The following NEBL variants were observed in gnomAD, a reference collection of about 807,000 sequenced individuals.
NEBL encodes the protein LIM and SH3 protein 2.
NEBL carries 122 observed loss-of-function variants against 140.2 expected under a neutral mutation model. The ratio of observed to expected loss-of-function variants is 0.87; its 90% confidence interval spans 0.75 to 1.01. The LOEUF (loss-of-function observed/expected upper bound fraction) is 1.01, where lower values mean the gene tolerates loss of function less well. Among genes scored for constraint, NEBL ranks in the 50% least tolerant of loss-of-function variants. The probability of loss-of-function intolerance (pLI) is 0.00; values close to 1 mark genes in which losing one functional copy is unlikely to be tolerated. For synonymous variants in NEBL, 436 were observed against 398.9 expected (o/e 1.09, Z -1.11); for missense variants, 1,365 against 1,231.3 (o/e 1.11, Z -1.62).
Position 21,168,844 on chromosome 10 carries a change from C to T in NEBL, c.164+3539G>A, listed in dbSNP as rs577000496. ...CGGGTGGATCACAAGGTCAGGAGAT[C>T]GAGACCATCCTAGCTAACATGGTGA... On this transcript the variant is annotated intron_variant, in intron 2 of 6. Transcript: ENST00000417816. Among the ~76,000 whole-genome samples, 271 of 150,622 alleles carry T rather than the reference C, an allele frequency of 1.8e-3. 2 individuals carry two copies. Among genetic ancestry groups the T allele is most frequent in the Admixed American group, 3.6e-3 (54 of 15,060 alleles).
chr10:20,864,427 A>C (rs898328105), intron 7 of NEBL, among the ~76,000 whole-genome samples: 2 of 152,184 alleles, frequency 1.3e-5, no homozygotes, highest in African/African-American at 4.8e-5. Context: ...AGAAGTTAAT[A>C]TAAGAAGGGT....
chr10:21,158,643 T>C (rs987159929), intron 2 of NEBL, among the ~76,000 whole-genome samples: 3 of 152,204 alleles, frequency 2.0e-5, no homozygotes, highest in Non-Finnish European at 2.9e-5. Flanking sequence ...GGACCACATC[T>C]ACAGGGTTTT....
chr10:20,891,549 T>C (rs1413759455), intron 2 of NEBL, among the ~76,000 whole-genome samples: 1 of 152,212 alleles, frequency 6.6e-6, no homozygotes, highest in East Asian at 1.9e-4. Context: ...TGCAGTGGTA[T>C]GTGCTTGTGG....
intron 3 of NEBL, among the ~76,000 whole-genome samples, chr10:21,013,934 G>T (rs1292374407): frequency 1.3e-5 from 2 of 151,956 alleles, no homozygotes; most frequent in Non-Finnish European, 2.9e-5. Flanking sequence ...TGGGGAAAAT[G>T]GATATATATT....
At chr10:21,280,381 G>T (rs780123307) in intron 1 of NEBL, among the ~76,000 whole-genome samples, 1 of 152,276 alleles carries the variant, frequency 6.6e-6, no homozygotes. Flanking sequence ...CAAAAGAATT[G>T]TAAGTCCCTT....
chr10:21,263,548 G>T (rs1226198556), intron 1 of NEBL, among the ~76,000 whole-genome samples: 3 of 152,180 alleles, frequency 2.0e-5, no homozygotes, highest in Admixed American at 6.5e-5. Context: ...TTACTTGTGT[G>T]TGCTCTCCTA....
At chr10:20,913,311 G>A (rs1192909978) in intron 4 of NEBL, among the ~76,000 whole-genome samples, 1 of 152,096 alleles carries the variant, frequency 6.6e-6, no homozygotes. Context: ...AGGCACTGCC[G>A]ATCCTTCACA....
intron 3 of NEBL, among the ~76,000 whole-genome samples, chr10:21,012,896 G>A (rs1838401598): frequency 6.6e-6 from 1 of 152,152 alleles, no homozygotes; most frequent in South Asian, 2.1e-4. Flanking sequence ...AACTTTCCAG[G>A]CCTTGGGAAA....
intron 2 of NEBL, among the ~76,000 whole-genome samples, chr10:21,148,937 T>A (rs1274468009): frequency 6.6e-6 from 1 of 152,202 alleles, no homozygotes; most frequent in Non-Finnish European, 1.5e-5. Flanking sequence ...ATGTCCATTG[T>A]CTGACTGTGG....
chr10:21,168,011 T>C (rs1177875282), intron 2 of NEBL, among the ~76,000 whole-genome samples: 1 of 152,212 alleles, frequency 6.6e-6, no homozygotes, highest in Non-Finnish European at 1.5e-5. Context: ...GCAAAATGGG[T>C]ATTACGCCCA....
intron 4 of NEBL, among the ~76,000 whole-genome samples, chr10:20,905,067 T>C (rs1001355721): frequency 3.3e-5 from 5 of 152,170 alleles, no homozygotes; most frequent in African/African-American, 1.2e-4. Flanking sequence ...GGGGAAATAA[T>C]GAAGAAGTTT....
intron 4 of NEBL, among the ~76,000 whole-genome samples, chr10:20,941,546 T>C (rs9702521): frequency 0.72 from 108,025 of 150,446 alleles, 38,891 homozygotes; most frequent in Admixed American, 0.81. Context: ...CCCTCTCTCA[T>C]CACTCCTATT....
chr10:21,006,513 C>A (rs1838145215), intron 3 of NEBL, among the ~76,000 whole-genome samples: 1 of 152,212 alleles, frequency 6.6e-6, no homozygotes, highest in Non-Finnish European at 1.5e-5. Flanking sequence ...TCCAACCAGT[C>A]CTTCTTCCCT....
Position 20,828,469 on chromosome 10 carries a change from G to C in NEBL, c.1776+61C>G, listed in dbSNP as rs182128887. 7.8e-5 allele frequency: 86 copies of C among 1,098,244 alleles called. No individual in the cohort carries two copies. The African/African-American group carries it at 1.1e-3, about 14-fold the overall frequency. The allele number at this position is 1,098,244 out of a possible 1,614,324, so 68.0% of individuals were successfully genotyped here. A position where few individuals can be genotyped will look rare whatever the true frequency, so the allele number is the denominator to read the frequency against. The stretch of plus-strand genomic sequence containing the variant: ...AAAACATCAGACAATGAGGAAAAAA[G>C]ACCATTTCTTACAAAACAAAATTTC... On this transcript the variant is annotated intron_variant, in intron 17 of 27. Transcript: ENST00000377122.
chr10:21,168,834 G>A (rs1238839924), intron 2 of NEBL, among the ~76,000 whole-genome samples: 2 of 151,060 alleles, frequency 1.3e-5, no homozygotes, highest in African/African-American at 4.9e-5. Context: ...GGATCACAAG[G>A]TCAGGAGATC....
rs1005047334 is a variant in NEBL at position 20,783,287 on chromosome 10, A to G, written c.*2460T>C. The G allele has an allele frequency of 5.9e-5, 9 of 152,198 alleles. No homozygotes were observed. Among genetic ancestry groups the G allele is most frequent in the African/African-American group, 2.2e-4 (9 of 41,456 alleles). 9.4% of individuals were successfully genotyped at this position (152,198 alleles called of 1,614,324 possible). A position where few individuals can be genotyped will look rare whatever the true frequency, so the allele number is the denominator to read the frequency against. ...TGACAAGCTTTATTAACAACTGCCA[A>G]CACTACCAAATTATGGCCTCAAGAG... On this transcript the variant is annotated 3_prime_UTR_variant, in exon 28 of 28. Coordinates refer to ENST00000377122, the MANE Select transcript of NEBL (RefSeq NM_006393.3).
chr10:20,893,484 G>A (rs533850282), intron 2 of NEBL, among the ~76,000 whole-genome samples: 1 of 152,300 alleles, frequency 6.6e-6, no homozygotes, highest in South Asian at 2.1e-4. Flanking sequence ...TGTGGGTAGA[G>A]CAAGTGCAAA....
intron 2 of NEBL, among the ~76,000 whole-genome samples, chr10:21,046,929 T>C (rs1834546640): frequency 6.6e-6 from 1 of 152,206 alleles, no homozygotes; most frequent in South Asian, 2.1e-4. Flanking sequence ...TATCATTTGT[T>C]ACTTTGTTTT....
intron 2 of NEBL, chr10:21,125,864 A>G: frequency 6.2e-7 from 1 of 1,613,806 alleles, no homozygotes; most frequent in Admixed American, 1.7e-5. Flanking sequence ...GATACGTTGA[A>G]CTTTTCTTTT....
Sources: allele counts gnomAD v4.1 joint callset (sites outside exome capture counted in the v4.1 genomes callset), GRCh38; gene constraint gnomAD v4.1.1; transcripts MANE v1.5; gene names NCBI Gene and HGNC (gene_info 2026-07-23, HGNC 2026-07-21).